The following KMT2C variants were observed in gnomAD, a reference collection of about 807,000 sequenced individuals.
The protein encoded by KMT2C is histone-lysine N-methyltransferase 2C.
In KMT2C, 88 loss-of-function variants were observed where a neutral mutation model predicts 507.9. The observed-to-expected ratio is 0.17, with a 90% confidence interval of 0.15 to 0.21. The LOEUF (loss-of-function observed/expected upper bound fraction) is 0.21, where lower values mean the gene tolerates loss of function less well. Among genes scored for constraint, KMT2C ranks in the 10% least tolerant of loss-of-function variants. KMT2C has a pLI of 1.00. For synonymous variants in KMT2C, 2,049 were observed against 2,080.8 expected (o/e 0.98, Z 0.42); for missense variants, 4,954 against 5,957.8 (o/e 0.83, Z 5.55).
intron 13 of KMT2C, among the ~76,000 whole-genome samples, chr7:152,249,056 A>G (rs930506108): frequency 1.3e-5 from 2 of 152,130 alleles, no homozygotes; most frequent in African/African-American, 2.4e-5. Flanking sequence ...CTAACCACCA[A>G]TATTTATTTT....
At chr7:152,147,880 G>T (rs2091296611) in intron 52 of KMT2C, among the ~76,000 whole-genome samples, 153 bp downstream of exon 52, 1 of 152,200 alleles carries the variant, frequency 6.6e-6, no homozygotes, top group South Asian at 2.1e-4. Context: ...AGAGCAAGGT[G>T]TGAGAACACA....
chr7:152,417,804 GC>G (rs1449428335), intron 1 of KMT2C, among the ~76,000 whole-genome samples: 1 of 151,856 alleles, frequency 6.6e-6, no homozygotes, highest in African/African-American at 2.4e-5. Context: ...ACCACACCCA[GC>G]TAATTTTTTG....
intron 42 of KMT2C, among the ~76,000 whole-genome samples, chr7:152,164,505 G>A (rs2092639365): frequency 1.3e-5 from 2 of 151,818 alleles, no homozygotes; most frequent in Admixed American, 6.6e-5. Flanking sequence ...TAGCCAGGAT[G>A]GTCTCGATCT....
At chr7:152,166,318 C>T (rs996671358) in intron 42 of KMT2C, among the ~76,000 whole-genome samples, 3 of 151,678 alleles carry the variant, frequency 2.0e-5, no homozygotes, top group African/African-American at 7.3e-5. Context: ...GACGGGGTTT[C>T]ACCATGTTGG....
At chr7:152,349,156 C>T (rs1052271735) in intron 2 of KMT2C, among the ~76,000 whole-genome samples, 35 of 152,048 alleles carry the variant, frequency 2.3e-4, no homozygotes, top group Admixed American at 1.3e-3. Flanking sequence ...TGAAAAGACA[C>T]GGAGGAGGGC....
chr7:152,346,753 A>G (rs942375840), intron 2 of KMT2C, among the ~76,000 whole-genome samples: 9 of 152,220 alleles, frequency 5.9e-5, no homozygotes, highest in African/African-American at 1.9e-4. Flanking sequence ...TAACATAAAC[A>G]GTAGATTAAC....
chr7:152,341,244 G>A (rs546108280), intron 2 of KMT2C, among the ~76,000 whole-genome samples: 2 of 152,254 alleles, frequency 1.3e-5, no homozygotes, highest in African/African-American at 2.4e-5. Flanking sequence ...AGCCAAGCCT[G>A]ACCTAAATTC....
chr7:152,256,346 A>C (rs1338532201), intron 9 of KMT2C, among the ~76,000 whole-genome samples: 1 of 152,032 alleles, frequency 6.6e-6, no homozygotes, highest in Non-Finnish European at 1.5e-5. Context: ...AATAATAAAA[A>C]CAAAGTCAAA....
rs779206480 is a variant in KMT2C, at chr7:152,177,024, T to A, written c.8429A>T (p.His2810Leu). 5 of 1,614,108 alleles carry A rather than the reference T, an allele frequency of 3.1e-6. No homozygotes were observed. The highest frequency in any genetic ancestry group is 4.2e-6 in the Non-Finnish European group (5 of 1,180,026). The part of the protein sequence containing the change: ...ENKTLVLSDK[H>L]SPQKKSTVTN... ...AACAGTGGATTTTTTCTGTGGTGAA[T>A]GTTTATCAGAGAGAACCAGAGTTTT... Residue 2810 changes from histidine (H) to leucine (L), a missense_variant, in exon 38 of 59, where the codon CAT becomes CTT. This residue lies in a region of KMT2C where 1,689 missense variants were observed against 1,654.3 expected (regional missense o/e 1.02). Transcript: ENST00000262189.
At chr7:152,361,498 G>C (rs1483195634) in intron 1 of KMT2C, among the ~76,000 whole-genome samples, 1 of 151,938 alleles carries the variant, frequency 6.6e-6, no homozygotes, top group African/African-American at 2.4e-5. Flanking sequence ...GGGAGGCAGA[G>C]GTTGCGGTGA....
intron 9 of KMT2C, among the ~76,000 whole-genome samples, chr7:152,255,128 T>TG (rs2095632537): frequency 7.9e-6 from 1 of 127,374 alleles, no homozygotes; most frequent in Admixed American, 7.8e-5. Context: ...TATATATATA[T>TG]ATATATATAT....
At chr7:152,139,506 T>C (rs749191874) in intron 56 of KMT2C, among the ~76,000 whole-genome samples, 169 bp downstream of exon 56, 11 of 152,206 alleles carry the variant, frequency 7.2e-5, no homozygotes, top group East Asian at 1.9e-4. Context: ...GTAACACCAA[T>C]TGAAAGAGAT....
intron 2 of KMT2C, among the ~76,000 whole-genome samples, chr7:152,349,244 G>C (rs1389166474): frequency 6.6e-6 from 1 of 152,050 alleles, no homozygotes; most frequent in South Asian, 2.1e-4. Flanking sequence ...TCAGGAGTTC[G>C]AGACCAGCCT....
chr7:152,331,418 G>C (rs982289429), intron 2 of KMT2C, among the ~76,000 whole-genome samples: 4 of 151,826 alleles, frequency 2.6e-5, no homozygotes, highest in Non-Finnish European at 4.4e-5. Flanking sequence ...AGTAGTTCAA[G>C]ACAGCCTGGG....
In KMT2C at chr7:152,261,196, T is replaced by G. The variant is rs201857600; in HGVS notation, c.1299+1820A>C. The stretch of plus-strand genomic sequence containing the variant: ...AAACTAACACCCTACGTGGCCATAG[T>G]GTCAGGCAAAGCAAAATACCTGCCC... On this transcript the variant is annotated intron_variant, in intron 9 of 58. Transcript: ENST00000262189. 2.6e-5 allele frequency among the ~76,000 whole-genome samples: 4 copies of G among 152,414 alleles called. No individual in the cohort carries two copies. In the East Asian group the frequency reaches 7.7e-4, roughly 29 times the overall value.
chr7:152,235,213 A>G (rs185591510), intron 16 of KMT2C, among the ~76,000 whole-genome samples: 1 of 151,182 alleles, frequency 6.6e-6, no homozygotes, highest in Non-Finnish European at 1.5e-5. Context: ...GGGTGTATAT[A>G]TATATATATA....
At chr7:152,377,959 T>C (rs991443496) in intron 1 of KMT2C, among the ~76,000 whole-genome samples, 6 of 152,166 alleles carry the variant, frequency 3.9e-5, no homozygotes, top group Non-Finnish European at 8.8e-5. Context: ...ATTGCAGATG[T>C]AGTGGAAACA....
chr7:152,145,304 A>G lies in KMT2C; in HGVS notation c.14032-9T>C. The stretch of plus-strand genomic sequence containing the variant: ...GCCTCAACCCCAGGAAGCTGAAAAG[A>G]AGCAAAGCAGACACAAAGTCACCCC... On this transcript the variant is annotated splice_polypyrimidine_tract_variant and intron_variant, in intron 53 of 58. Coordinates refer to ENST00000262189, the MANE Select transcript of KMT2C (RefSeq NM_170606.3). 1 of 1,613,424 alleles carries G rather than the reference A, an allele frequency of 6.2e-7. No homozygotes were observed. The highest frequency in any genetic ancestry group is 8.5e-7 in the Non-Finnish European group (1 of 1,179,644).
chr7:152,318,748 A>C (rs531625258), intron 3 of KMT2C, among the ~76,000 whole-genome samples: 87 of 152,270 alleles, frequency 5.7e-4, no homozygotes, highest in African/African-American at 2.0e-3. Context: ...GGCAAACATA[A>C]ACCAAAAGGA....
Sources: gnomAD v4.1 joint callset for allele counts (sites outside exome capture counted in the v4.1 genomes callset) on GRCh38, gnomAD v4.1.1 for gene constraint, gnomAD v4.1.1 regional missense constraint, MANE v1.5 for transcripts, NCBI Gene and HGNC (gene_info 2026-07-23, HGNC 2026-07-21) for gene names.